Variants in FPR3 observed in about 807,000 individuals in gnomAD.
FPR3 encodes N-formyl peptide receptor 3.
For synonymous variants in FPR3, 135 were observed against 163.6 expected, an observed-to-expected ratio of 0.83 and a Z score of 1.34; for missense variants, 346 against 443.2, an observed-to-expected ratio of 0.78 and a Z score of 1.97.
In FPR3 at chr19:51,824,688, A is replaced by AT. The variant is rs1380225658; in HGVS notation, c.942dup (p.Arg315SerfsTer6). On this transcript the variant is annotated frameshift_variant, in exon 2 of 2. Transcript: ENST00000339223. LOFTEE classifies it low-confidence loss of function (END_TRUNC). The surrounding 1 kb of genome is among the most constrained non-coding windows in gnomAD (Gnocchi z 4.7). ...GGGTCGTAACTTCCAAGAAAGACTG[A>AT]TTCGCTCTTTGCCCACTAGTTTGGA... is the stretch of plus-strand genomic sequence containing the variant. 1 of 1,613,982 alleles carries AT rather than the reference A, an allele frequency of 6.2e-7. No individual in the cohort carries two copies. Among genetic ancestry groups the AT allele is most frequent in the Non-Finnish European group, 8.5e-7 (1 of 1,180,002 alleles).
intron 1 of FPR3, among the ~76,000 whole-genome samples, chr19:51,810,641 C>T (rs2084089926): frequency 6.6e-6 from 1 of 152,160 alleles, no homozygotes; most frequent in Non-Finnish European, 1.5e-5. Flanking sequence ...CATTTCTTGC[C>T]AATTTAAATT....
intron 1 of FPR3, among the ~76,000 whole-genome samples, chr19:51,814,333 G>T (rs1191329824): frequency 6.6e-6 from 1 of 152,232 alleles, no homozygotes; most frequent in East Asian, 1.9e-4. Flanking sequence ...TAAATTTGTT[G>T]TAATTTTGTC....
intron 1 of FPR3, among the ~76,000 whole-genome samples, chr19:51,816,695 A>G (rs1359897259): frequency 6.6e-6 from 1 of 152,224 alleles, no homozygotes; most frequent in Non-Finnish European, 1.5e-5. Context: ...AGGTGGCCAC[A>G]TGGGACTTGC....
At chr19:51,797,332 CTG>C (rs1356726745) in intron 1 of FPR3, among the ~76,000 whole-genome samples, 4 of 152,124 alleles carry the variant, frequency 2.6e-5, no homozygotes, top group Non-Finnish European at 4.4e-5. Context: ...GCTGGAAATT[CTG>C]TCTTACAGAC....
At chr19:51,804,526 AT>A (rs970597713) in intron 1 of FPR3, among the ~76,000 whole-genome samples, 9 of 152,202 alleles carry the variant, frequency 5.9e-5, no homozygotes, top group African/African-American at 2.2e-4. Flanking sequence ...TCATATATTA[AT>A]TTTTATACCA....
chr19:51,805,856 A>T (rs1221958924), intron 1 of FPR3, among the ~76,000 whole-genome samples: 1 of 152,218 alleles, frequency 6.6e-6, no homozygotes, highest in African/African-American at 2.4e-5. Context: ...GAAGTAGAAG[A>T]AGTTTCACAA....
At chr19:51,823,091 G>T (rs2084202576) in intron 1 of FPR3, among the ~76,000 whole-genome samples, 1 of 152,104 alleles carries the variant, frequency 6.6e-6, no homozygotes, top group Admixed American at 6.5e-5. Flanking sequence ...TCCAACTCCT[G>T]ATCTCAAGTG....
chr19:51,808,636 CCTT>C (rs1452859040), intron 1 of FPR3, among the ~76,000 whole-genome samples: 2 of 152,172 alleles, frequency 1.3e-5, no homozygotes, highest in African/African-American at 2.4e-5. Flanking sequence ...CAAGGCTTAT[CCTT>C]CTCGTGTAAG....
At position 51,823,996 on chromosome 19, in the gene FPR3, T is replaced by C. The variant is rs1297678431; in HGVS notation, c.248T>C (p.Val83Ala). 30 of 1,614,114 alleles carry C rather than the reference T, an allele frequency of 1.9e-5. No individual in the cohort carries two copies. Among genetic ancestry groups the C allele is most frequent in the Non-Finnish European group, 2.5e-5 (30 of 1,179,990 alleles). The change falls in exon 2 of 2, where the codon GTC (valine) becomes GCC (alanine). Residue 83 changes from valine to alanine, a missense_variant. By Grantham distance (64) the Val-to-Ala change is moderately conservative. Transcript: ENST00000339223. ...AGTGCCATCCTACCATTCCGAATGG[T>C]CTCAGTCGCCATGAGAGAAAAATGG... ...SFSAILPFRMVSVAMREKWPF... is the reference protein window; with the variant it reads ...SFSAILPFRMASVAMREKWPF...
chr19:51,800,109 C>T (rs144645762), intron 1 of FPR3, among the ~76,000 whole-genome samples: 2 of 152,200 alleles, frequency 1.3e-5, no homozygotes, highest in South Asian at 2.1e-4. Context: ...AGGGTCCAGT[C>T]GCCTAACTCT....
In FPR3 at chr19:51,810,927, A is replaced by T. The variant is rs191535291; in HGVS notation, c.-10-12812A>T. Among the ~76,000 whole-genome samples, 191 of 152,316 alleles carry T rather than the reference A, an allele frequency of 1.3e-3. 1 individual carries two copies. Among genetic ancestry groups the T allele is most frequent in the African/African-American group, 4.4e-3 (181 of 41,566 alleles). On this transcript the variant is annotated intron_variant, in intron 1 of 1. Coordinates refer to ENST00000339223, the MANE Select transcript of FPR3 (RefSeq NM_002030.5). ...CTCTCCAGCTATGGCAGCAGAGCAT[A>T]AAATTCTTTGTATTGGGGTCTCTAG...
At chr19:51,818,319 A>G (rs2084159231) in intron 1 of FPR3, among the ~76,000 whole-genome samples, 1 of 152,208 alleles carries the variant, frequency 6.6e-6, no homozygotes, top group Admixed American at 6.5e-5. Flanking sequence ...TTAATTTCCC[A>G]AATGTTTCCT....
chr19:51,802,671 T>A (rs1215930189), intron 1 of FPR3, among the ~76,000 whole-genome samples: 1 of 152,216 alleles, frequency 6.6e-6, no homozygotes, highest in African/African-American at 2.4e-5. Context: ...AAAACTTAAT[T>A]ACTTTACCCT....
At chr19:51,811,929 G>A (rs371988256) in intron 1 of FPR3, among the ~76,000 whole-genome samples, 7 of 152,122 alleles carry the variant, frequency 4.6e-5, no homozygotes, top group African/African-American at 1.2e-4. Context: ...TGGGGTCTTC[G>A]GCTCCCTGCA....
At chr19:51,820,203 G>A (rs1438252853) in intron 1 of FPR3, among the ~76,000 whole-genome samples, 4 of 152,192 alleles carry the variant, frequency 2.6e-5, no homozygotes, top group Admixed American at 2.6e-4. Flanking sequence ...ACGTGCTGGA[G>A]AAGCACAGAT....
chr19:51,809,626 A>G (rs2084083819), intron 1 of FPR3, among the ~76,000 whole-genome samples: 1 of 152,210 alleles, frequency 6.6e-6, no homozygotes. Flanking sequence ...TTTCTCCTTC[A>G]TAATCAGAGT....
At chr19:51,802,794 T>C (rs564328973) in intron 1 of FPR3, among the ~76,000 whole-genome samples, 1 of 152,388 alleles carries the variant, frequency 6.6e-6, no homozygotes, top group African/African-American at 2.4e-5. Flanking sequence ...GCTTAAATTA[T>C]GAATGGATGT....
chr19:51,805,728 G>A (rs573712687), intron 1 of FPR3, among the ~76,000 whole-genome samples: 99 of 152,268 alleles, frequency 6.5e-4, no homozygotes, highest in African/African-American at 2.1e-3. Flanking sequence ...GTACTGAGCC[G>A]TTTGAACAGA....
chr19:51,816,064 TA>T (rs200656360), intron 1 of FPR3, among the ~76,000 whole-genome samples: 44,104 of 138,918 alleles, frequency 0.32, 6,707 homozygotes, highest in South Asian at 0.4. Flanking sequence ...GAGATCCTAT[TA>T]AAAAAAAAAA....
Sources: gnomAD v4.1 joint callset for allele counts (sites outside exome capture counted in the v4.1 genomes callset) on GRCh38, gnomAD v4.1.1 for gene constraint, Gnocchi (gnomAD v3.1) non-coding constraint, MANE v1.5 for transcripts, NCBI Gene and HGNC (gene_info 2026-07-23, HGNC 2026-07-21) for gene names.